Variants in GAP43 observed in about 807,000 individuals in gnomAD.
GAP43 encodes the protein growth associated protein 43.
GAP43 carries 6 observed loss-of-function variants against 18.6 expected under a neutral mutation model. The ratio of observed to expected loss-of-function variants is 0.32; its 90% CI spans 0.18 to 0.64. The LOEUF (loss-of-function observed/expected upper bound fraction) is 0.64, where lower values mean the gene tolerates loss of function less well. Ranked by LOEUF, GAP43 falls within the 30% of genes least tolerant of loss-of-function variation. GAP43 has a pLI of 0.78. For synonymous variants in GAP43, 115 were observed against 111.4 expected, an observed-to-expected ratio of 1.03 and a Z score of -0.20; for missense variants, 292 against 295.5, an observed-to-expected ratio of 0.99 and a Z score of 0.09.
chr3:115,663,620 G>T, intron 1 of GAP43: 1 of 1,343,808 alleles, frequency 7.4e-7, no homozygotes. Context: ...AGCATCACCT[G>T]GGTGACGAGG....
At chr3:115,684,586 C>T (rs1202509021) in intron 2 of GAP43, among the ~76,000 whole-genome samples, 1 of 152,070 alleles carries the variant, frequency 6.6e-6, no homozygotes, top group Admixed American at 6.5e-5. Context: ...TTTTCTTCAC[C>T]CTTCAGCCCA....
At chr3:115,716,398 G>A (rs888430209) in intron 2 of GAP43, among the ~76,000 whole-genome samples, 1 of 152,014 alleles carries the variant, frequency 6.6e-6, no homozygotes, top group Non-Finnish European at 1.5e-5. Flanking sequence ...CCAAAAGTAG[G>A]GCTAGCTAGA....
chr3:115,710,415 A>C (rs1709419324), intron 2 of GAP43, among the ~76,000 whole-genome samples: 3 of 152,208 alleles, frequency 2.0e-5, no homozygotes, highest in African/African-American at 7.2e-5. Context: ...CGTTTATTTT[A>C]AACCTGATTA....
chr3:115,667,128 A>C (rs555143028), intron 1 of GAP43, among the ~76,000 whole-genome samples: 5 of 151,332 alleles, frequency 3.3e-5, no homozygotes, highest in Non-Finnish European at 5.9e-5. Context: ...TAAAAATAAC[A>C]TTTTTTTTTA....
At chr3:115,660,629 T>TA (rs1708646525) in intron 1 of GAP43, among the ~76,000 whole-genome samples, 1 of 152,258 alleles carries the variant, frequency 6.6e-6, no homozygotes, top group South Asian at 2.1e-4. Context: ...TTTAAAGAGA[T>TA]ATTCAAAAAG....
chr3:115,638,040 C>A (rs1016613700), intron 1 of GAP43, among the ~76,000 whole-genome samples: 2 of 151,968 alleles, frequency 1.3e-5, no homozygotes, highest in Admixed American at 6.6e-5. Context: ...TATGTCTTGA[C>A]TCTATCCACT....
rs1708647230 is a variant in GAP43, at chr3:115,660,714, A to G, written c.31-15299A>G. On this transcript the variant is annotated intron_variant, in intron 1 of 2. Coordinates refer to ENST00000305124, the MANE Select transcript of GAP43 (RefSeq NM_002045.4). ...AGTATATTTCATCATTGAATGTGCAAAAGATTTGTTAAAATGGAGATATTG... is the reference window on the plus strand; with the variant it reads ...AGTATATTTCATCATTGAATGTGCAGAAGATTTGTTAAAATGGAGATATTG... Among the ~76,000 whole-genome samples the G allele has an allele frequency of 2.6e-5, 4 of 152,324 alleles. No homozygotes were observed. In the South Asian group the frequency reaches 8.3e-4, roughly 32 times the overall value.
intron 2 of GAP43, among the ~76,000 whole-genome samples, chr3:115,688,261 C>T (rs1709060235): frequency 1.3e-5 from 2 of 152,034 alleles, no homozygotes; most frequent in Admixed American, 1.3e-4. Flanking sequence ...TCAAGTGATC[C>T]ACCCACCTCG....
At chr3:115,685,189 G>C (rs1482840214) in intron 2 of GAP43, among the ~76,000 whole-genome samples, 1 of 152,108 alleles carries the variant, frequency 6.6e-6, no homozygotes, top group Non-Finnish European at 1.5e-5. Context: ...AAACCATTTA[G>C]GGCTTCATAG....
At chr3:115,642,506 T>C (rs1708409803) in intron 1 of GAP43, among the ~76,000 whole-genome samples, 1 of 151,980 alleles carries the variant, frequency 6.6e-6, no homozygotes, top group Admixed American at 6.6e-5. Flanking sequence ...TATTCTAGAA[T>C]GTGCTCTTAA....
At chr3:115,710,725 A>T (rs1709424584) in intron 2 of GAP43, among the ~76,000 whole-genome samples, 1 of 152,186 alleles carries the variant, frequency 6.6e-6, no homozygotes, top group Non-Finnish European at 1.5e-5. Context: ...GTCCCTTCAC[A>T]GTGAAAACTG....
In GAP43 at chr3:115,644,966, G is replaced by T; in HGVS notation, c.30+21247G>T. Reference sequence around the variant, plus strand: ...TCTAACAGTCTTGTTGAGGCAGGGAGCCTAAAGAAGCTATTCAATCTTTTA... The same window carrying T: ...TCTAACAGTCTTGTTGAGGCAGGGATCCTAAAGAAGCTATTCAATCTTTTA... On this transcript the variant is annotated intron_variant, in intron 1 of 2. Coordinates refer to ENST00000305124, the MANE Select transcript of GAP43 (RefSeq NM_002045.4). The surrounding 1 kb of genome is among the most constrained non-coding windows in gnomAD (Gnocchi z 4.2). Among the ~76,000 whole-genome samples, 1 of 152,024 alleles carries T rather than the reference G, an allele frequency of 6.6e-6. No individual in the cohort carries two copies. The highest frequency in any genetic ancestry group is 1.9e-4 in the East Asian group (1 of 5,166).
At chr3:115,663,832 C>T in intron 1 of GAP43, 2 of 1,551,938 alleles carry the variant, frequency 1.3e-6, no homozygotes, top group Non-Finnish European at 1.7e-6. Context: ...TTTTACCTTG[C>T]CTGGGAGGCT....
At chr3:115,667,447 G>A (rs1302325662) in intron 1 of GAP43, among the ~76,000 whole-genome samples, 1 of 152,080 alleles carries the variant, frequency 6.6e-6, no homozygotes, top group Non-Finnish European at 1.5e-5. Flanking sequence ...GTTTAATTAA[G>A]AAAAAATAGA....
At position 115,715,971 on chromosome 3, in the gene GAP43, C is replaced by T. The variant is rs958587273; in HGVS notation, c.629-4823C>T. On this transcript the variant is annotated intron_variant, in intron 2 of 2. Coordinates refer to ENST00000305124, the MANE Select transcript of GAP43 (RefSeq NM_002045.4). ...ATTCAGTCTCCCTGTGTTTCAGTTTCCCCAGCTGTGAAATGGGGTGATTAA... is the reference window on the plus strand; with the variant it reads ...ATTCAGTCTCCCTGTGTTTCAGTTTTCCCAGCTGTGAAATGGGGTGATTAA... Among the ~76,000 whole-genome samples the T allele has an allele frequency of 3.9e-5, 6 of 152,112 alleles. No homozygotes were observed. The East Asian group carries it at 1.2e-3, about 29-fold the overall frequency.
chr3:115,638,861 G>A lies in GAP43; in HGVS notation c.30+15142G>A, dbSNP rs941670617. ...CTCCAGCCTAATACAATTATTCTTC[G>A]TTTTGTGCCTTATGTCTAGTACATA... is the stretch of plus-strand genomic sequence containing the variant. On this transcript the variant is annotated intron_variant, in intron 1 of 2. Coordinates refer to ENST00000305124, the MANE Select transcript of GAP43 (RefSeq NM_002045.4). 4.0e-5 allele frequency among the ~76,000 whole-genome samples: 6 copies of A among 151,758 alleles called. No individual in the cohort carries two copies. The South Asian group carries it at 6.2e-4, about 16-fold the overall frequency.
chr3:115,655,792 A>T, intron 1 of GAP43, among the ~76,000 whole-genome samples: 1 of 152,248 alleles, frequency 6.6e-6, no homozygotes, highest in East Asian at 1.9e-4. Flanking sequence ...TCTGGGACAG[A>T]AAAGTATAAA....
At chr3:115,698,302 T>C (rs1188220944) in intron 2 of GAP43, among the ~76,000 whole-genome samples, 1 of 89,340 alleles carries the variant, frequency 1.1e-5, no homozygotes, top group African/African-American at 4.3e-5. Flanking sequence ...ATATATTATA[T>C]ATAAAATATA....
rs191863346 is a variant in GAP43, at chr3:115,684,368, A to G, written c.628+7758A>G. Among the ~76,000 whole-genome samples the G allele has an allele frequency of 9.6e-4, 146 of 152,178 alleles. 1 individual carries two copies. The highest frequency in any genetic ancestry group is 3.4e-3 in the African/African-American group (140 of 41,506). On this transcript the variant is annotated intron_variant, in intron 2 of 2. Coordinates refer to ENST00000305124, the MANE Select transcript of GAP43 (RefSeq NM_002045.4). ...AGATAAAGTGGAGATGAACATTTCT[A>G]TAGCCTTGAAAAAAATGTTCTCTTC...
Sources: gnomAD v4.1 joint callset for allele counts (sites outside exome capture counted in the v4.1 genomes callset) on GRCh38, gnomAD v4.1.1 for gene constraint, Gnocchi (gnomAD v3.1) non-coding constraint, MANE v1.5 for transcripts, NCBI Gene and HGNC (gene_info 2026-07-23, HGNC 2026-07-21) for gene names.